FBLN5: variants seen among roughly 807,000 people sequenced by gnomAD.
FBLN5 encodes fibulin 5.
A neutral mutation model predicts 61.6 loss-of-function variants in FBLN5; 24 were observed. The ratio of observed to expected loss-of-function variants is 0.39; its 90% CI spans 0.28 to 0.55. FBLN5 has a LOEUF of 0.55. Ranked by LOEUF, FBLN5 falls within the 20% of genes least tolerant of loss-of-function variation. The probability of loss-of-function intolerance (pLI) is 0.65; values close to 1 mark genes in which losing one functional copy is unlikely to be tolerated. For missense variants in FBLN5, 470 were observed against 594.1 expected, an observed-to-expected ratio of 0.79 and a Z score of 2.17; for synonymous variants, 213 against 219.8, an observed-to-expected ratio of 0.97 and a Z score of 0.27.
chr14:91,907,778 T>C (rs1439219366), intron 4 of FBLN5, among the ~76,000 whole-genome samples: 1 of 152,004 alleles, frequency 6.6e-6, no homozygotes, highest in Non-Finnish European at 1.5e-5. Context: ...AACACAGCCA[T>C]CCTCTCCTGC....
At chr14:91,888,715 AG>A (rs1056386639) in intron 6 of FBLN5, among the ~76,000 whole-genome samples, 1 of 152,102 alleles carries the variant, frequency 6.6e-6, no homozygotes, top group Non-Finnish European at 1.5e-5. Flanking sequence ...CAAGTCCACC[AG>A]CTAACAAGGA....
At chr14:91,936,005 A>C (rs78639364) in intron 4 of FBLN5, among the ~76,000 whole-genome samples, 3,760 of 152,302 alleles carry the variant, frequency 0.025, 136 homozygotes, top group African/African-American at 0.073. Flanking sequence ...TTATTGTATT[A>C]AAAAGAGAAT....
intron 4 of FBLN5, among the ~76,000 whole-genome samples, chr14:91,934,155 T>C (rs1341691630): frequency 6.6e-6 from 1 of 152,160 alleles, no homozygotes; most frequent in Non-Finnish European, 1.5e-5. Flanking sequence ...GCAGTGATTG[T>C]GCCACTGCAC....
intron 4 of FBLN5, among the ~76,000 whole-genome samples, chr14:91,907,451 T>C (rs1284030292): frequency 1.1e-4 from 16 of 152,198 alleles, no homozygotes; most frequent in Non-Finnish European, 5.9e-5. Flanking sequence ...AGTACCCTAA[T>C]ACAAATGAGT....
chr14:91,924,119 T>C (rs921136180), intron 4 of FBLN5, among the ~76,000 whole-genome samples: 6 of 152,222 alleles, frequency 3.9e-5, no homozygotes, highest in African/African-American at 1.4e-4. Flanking sequence ...GTTATTTATA[T>C]TCTCCTGTTC....
At chr14:91,906,294 A>G (rs1890684530) in intron 4 of FBLN5, among the ~76,000 whole-genome samples, 1 of 151,986 alleles carries the variant, frequency 6.6e-6, no homozygotes, top group South Asian at 2.1e-4. Flanking sequence ...TCTCTAGGAG[A>G]CGACCCCAGA....
At chr14:91,886,800 T>C (rs1318354305) in intron 7 of FBLN5, among the ~76,000 whole-genome samples, 1 of 152,146 alleles carries the variant, frequency 6.6e-6, no homozygotes, top group African/African-American at 2.4e-5. Flanking sequence ...CGATAAGACA[T>C]GCTATTATTC....
At chr14:91,928,964 A>G (rs907835904) in intron 4 of FBLN5, among the ~76,000 whole-genome samples, 3 of 151,910 alleles carry the variant, frequency 2.0e-5, no homozygotes, top group Non-Finnish European at 4.4e-5. Context: ...AGGCTGAGGC[A>G]GGAGAATGGC....
At chr14:91,909,207 G>A (rs144948579) in intron 4 of FBLN5, among the ~76,000 whole-genome samples, 20 of 152,138 alleles carry the variant, frequency 1.3e-4, no homozygotes, top group African/African-American at 4.6e-4. Context: ...GTGAGCCACC[G>A]CGCCCGGCCA....
chr14:91,881,838 T>C (rs915943708), intron 8 of FBLN5, among the ~76,000 whole-genome samples: 20 of 151,950 alleles, frequency 1.3e-4, no homozygotes, highest in Non-Finnish European at 2.9e-5. Context: ...ATAATAATTT[T>C]TATATTGAAT....
At chr14:91,916,524 T>C (rs558324884) in intron 4 of FBLN5, among the ~76,000 whole-genome samples, 14 of 152,332 alleles carry the variant, frequency 9.2e-5, no homozygotes, top group African/African-American at 3.1e-4. Context: ...CATGGTATTA[T>C]CTACCTGATA....
chr14:91,880,529 G>GTGTC (rs1290013496), intron 9 of FBLN5, among the ~76,000 whole-genome samples: 2 of 20,374 alleles, frequency 9.8e-5, no homozygotes, highest in Non-Finnish European at 2.1e-4. Flanking sequence ...GTGCGTGCGT[G>GTGTC]TGTGTGTGTG....
intron 3 of FBLN5, among the ~76,000 whole-genome samples, chr14:91,938,054 C>G (rs548297425): frequency 1.3e-5 from 2 of 152,308 alleles, no homozygotes; most frequent in South Asian, 2.1e-4. Flanking sequence ...CAAGGATCCT[C>G]GTGTGCACAT....
chr14:91,932,516 T>C lies in FBLN5; in HGVS notation c.379+4431A>G, dbSNP rs1388461919. Among the ~76,000 whole-genome samples, 5 of 152,132 alleles carry C rather than the reference T, an allele frequency of 3.3e-5. No homozygotes were observed. The East Asian group carries it at 9.6e-4, about 29-fold the overall frequency. ...CTTCCTTGAAAGTGGGTCCAAACCC[T>C]AGAAAAAGTAAACCGCCGTGAAAGG... On this transcript the variant is annotated intron_variant, in intron 4 of 10. Transcript: ENST00000342058.
intron 4 of FBLN5, among the ~76,000 whole-genome samples, chr14:91,922,694 C>T (rs1645655741): frequency 1.3e-5 from 2 of 152,338 alleles, no homozygotes; most frequent in South Asian, 2.1e-4. Flanking sequence ...GGATCGCTTA[C>T]ATCTCTACCT....
chr14:91,929,070 C>T (rs1256355389), intron 4 of FBLN5, among the ~76,000 whole-genome samples: 1 of 131,490 alleles, frequency 7.6e-6, no homozygotes, highest in Admixed American at 7.5e-5. Flanking sequence ...AAAAAAAGAC[C>T]CTGTCTCAAA....
At chr14:91,894,830 G>GC in intron 5 of FBLN5, 120 bp downstream of exon 5, 2 of 175,990 alleles carry the variant, frequency 1.1e-5, no homozygotes, top group South Asian at 4.2e-5. Flanking sequence ...CACCCCTCCC[G>GC]CCCTCCCTAG....
intron 8 of FBLN5, among the ~76,000 whole-genome samples, 200 bp from the exon 9 acceptor site, chr14:91,881,618 T>C (rs1481329772): frequency 1.5e-5 from 2 of 135,768 alleles, no homozygotes; most frequent in African/African-American, 4.9e-5. Context: ...CACCAGATTT[T>C]GATGACTTAG....
chr14:91,902,807 G>A (rs1434321067), intron 4 of FBLN5, among the ~76,000 whole-genome samples: 2 of 152,146 alleles, frequency 1.3e-5, no homozygotes, highest in Non-Finnish European at 2.9e-5. Flanking sequence ...TGGTGCATAA[G>A]TAACTGCAAT....
Sources: gnomAD v4.1 joint callset for allele counts (sites outside exome capture counted in the v4.1 genomes callset) on GRCh38, gnomAD v4.1.1 for gene constraint, MANE v1.5 for transcripts, NCBI Gene and HGNC (gene_info 2026-07-23, HGNC 2026-07-21) for gene names.